Variants in LRRC4C observed in about 807,000 individuals in gnomAD.
LRRC4C encodes leucine-rich repeat-containing protein 4C.
In LRRC4C, 5 loss-of-function variants were observed where a neutral mutation model predicts 33.6. The ratio of observed to expected loss-of-function variants is 0.15; its 90% CI spans 0.08 to 0.31. LRRC4C has a LOEUF of 0.31. Ranked by LOEUF, LRRC4C falls within the 10% of genes least tolerant of loss-of-function variation. The probability of loss-of-function intolerance (pLI) is 1.00; values close to 1 mark genes in which losing one functional copy is unlikely to be tolerated. For missense variants in LRRC4C, 560 were observed against 796.7 expected (o/e 0.70, Z 3.58); for synonymous variants, 329 against 302.0 (o/e 1.09, Z -0.93).
chr11:40,512,820 CTT>C (rs1162338237), intron 3 of LRRC4C, among the ~76,000 whole-genome samples: 4 of 152,124 alleles, frequency 2.6e-5, no homozygotes, highest in Non-Finnish European at 4.4e-5. Flanking sequence ...GGAGTCGACA[CTT>C]TGAAAATCAG....
At chr11:40,986,371 G>A (rs921224347) in intron 1 of LRRC4C, among the ~76,000 whole-genome samples, 2 of 152,166 alleles carry the variant, frequency 1.3e-5, no homozygotes, top group African/African-American at 4.8e-5. Context: ...GCCAAGGCTG[G>A]AGGATCACTT....
At chr11:40,237,499 A>G (rs1316901120) in intron 5 of LRRC4C, among the ~76,000 whole-genome samples, 1 of 152,184 alleles carries the variant, frequency 6.6e-6, no homozygotes, top group Non-Finnish European at 1.5e-5. Flanking sequence ...CCCTAAGACA[A>G]GGTCGCGGTA....
chr11:40,987,642 T>TATATATATATATATG (rs138289949), intron 1 of LRRC4C, among the ~76,000 whole-genome samples: 1 of 59,770 alleles, frequency 1.7e-5, no homozygotes, highest in Non-Finnish European at 3.3e-5. Flanking sequence ...TATATATATA[T>TATATATATATATATG]ATATATATAT....
At chr11:41,123,723 C>G (rs1240608327) in intron 1 of LRRC4C, among the ~76,000 whole-genome samples, 1 of 152,078 alleles carries the variant, frequency 6.6e-6, no homozygotes, top group Non-Finnish European at 1.5e-5. Context: ...CAAATGTCAC[C>G]CTGGAATCAC....
At chr11:41,218,039 C>T (rs1220902497) in intron 1 of LRRC4C, among the ~76,000 whole-genome samples, 1 of 151,960 alleles carries the variant, frequency 6.6e-6, no homozygotes, top group East Asian at 1.9e-4. Context: ...GGCCTACTCT[C>T]CTCTTTGCTT....
intron 4 of LRRC4C, among the ~76,000 whole-genome samples, chr11:40,271,258 C>T (rs755621330): frequency 4.6e-5 from 7 of 152,128 alleles, no homozygotes; most frequent in Non-Finnish European, 7.4e-5. Flanking sequence ...GAAAAGTCTA[C>T]AGTTTCTTCT....
In LRRC4C at chr11:40,559,174, C is replaced by T. The variant is rs545170145; in HGVS notation, c.-270+88968G>A. Among the ~76,000 whole-genome samples the T allele has an allele frequency of 1.2e-4, 17 of 143,906 alleles. No homozygotes were observed. The South Asian group carries it at 3.3e-3, about 28-fold the overall frequency. The allele number at this position is 143,906 out of a possible 152,430, so 94.4% of individuals were successfully genotyped here. On this transcript the variant is annotated intron_variant, in intron 3 of 6. Transcript: ENST00000528697. ...TAGTGCTGCAATGAAAATTCGCTTG[C>T]ATGCGTCTTTTTTTTTTTTTTTTTT...
chr11:41,270,501 C>A (rs1004500544), intron 1 of LRRC4C, among the ~76,000 whole-genome samples: 3 of 152,006 alleles, frequency 2.0e-5, no homozygotes, highest in Admixed American at 2.0e-4. Context: ...AGGCATGGGC[C>A]CACTTAAAAA....
chr11:41,180,911 A>G (rs998100569), intron 1 of LRRC4C, among the ~76,000 whole-genome samples: 1 of 144,494 alleles, frequency 6.9e-6, no homozygotes, highest in Non-Finnish European at 1.5e-5. Flanking sequence ...AGAAGTGATT[A>G]AAAAAAAAAT....
At chr11:41,153,399 A>G (rs1013771169) in intron 1 of LRRC4C, among the ~76,000 whole-genome samples, 1 of 152,204 alleles carries the variant, frequency 6.6e-6, no homozygotes. Flanking sequence ...TATGTACTGA[A>G]TAAGTTTATG....
chr11:41,085,852 A>C (rs1939935039), intron 1 of LRRC4C, among the ~76,000 whole-genome samples: 1 of 151,170 alleles, frequency 6.6e-6, no homozygotes, highest in East Asian at 1.9e-4. Context: ...CAATCTCAAT[A>C]CAAAGCTGAG....
intron 1 of LRRC4C, among the ~76,000 whole-genome samples, chr11:41,190,922 C>A (rs1277545073): frequency 6.6e-6 from 1 of 152,116 alleles, no homozygotes; most frequent in African/African-American, 2.4e-5. Flanking sequence ...AGTACTCTTG[C>A]AGTAACTTAC....
chr11:41,011,612 C>T (rs1294823397), intron 1 of LRRC4C, among the ~76,000 whole-genome samples: 3 of 151,732 alleles, frequency 2.0e-5, no homozygotes, highest in Non-Finnish European at 4.4e-5. Context: ...TATTATGCAA[C>T]ATGGGTACAT....
At chr11:40,314,532 C>T (rs1355024850) in intron 4 of LRRC4C, among the ~76,000 whole-genome samples, 1 of 152,066 alleles carries the variant, frequency 6.6e-6, no homozygotes, top group African/African-American at 2.4e-5. Context: ...TGTGATCCAG[C>T]AATCACATTA....
chr11:40,988,640 T>G (rs896973950), intron 1 of LRRC4C, among the ~76,000 whole-genome samples: 3 of 151,818 alleles, frequency 2.0e-5, no homozygotes, highest in African/African-American at 2.4e-5. Context: ...AATGAAGAGG[T>G]AATGCCTACT....
chr11:41,440,124 T>A (rs1445713122), intron 1 of LRRC4C, among the ~76,000 whole-genome samples: 1 of 152,160 alleles, frequency 6.6e-6, no homozygotes, highest in Non-Finnish European at 1.5e-5. Context: ...TTTTAGGTTT[T>A]CTTTTAAGAA....
chr11:40,958,394 T>G (rs1959054482), intron 1 of LRRC4C, among the ~76,000 whole-genome samples: 1 of 151,822 alleles, frequency 6.6e-6, no homozygotes, highest in Admixed American at 6.6e-5. Context: ...TTCTGTTACA[T>G]AATTTTTACT....
chr11:40,465,977 T>C (rs1402194786), intron 3 of LRRC4C, among the ~76,000 whole-genome samples: 1 of 152,080 alleles, frequency 6.6e-6, no homozygotes, highest in Non-Finnish European at 1.5e-5. Context: ...TACATGTTTA[T>C]TTCAGCACTA....
intron 6 of LRRC4C, among the ~76,000 whole-genome samples, chr11:40,125,133 A>C (rs909061924): frequency 6.6e-6 from 1 of 152,180 alleles, no homozygotes; most frequent in Admixed American, 6.6e-5. Flanking sequence ...CTGCTTTCAG[A>C]GACTAATGAG....
Sources: allele counts gnomAD v4.1 joint callset (sites outside exome capture counted in the v4.1 genomes callset), GRCh38; gene constraint gnomAD v4.1.1; transcripts MANE v1.5; gene names NCBI Gene and HGNC (gene_info 2026-07-23, HGNC 2026-07-21).